Variants in MYT1L observed in about 807,000 individuals in gnomAD.
MYT1L encodes the protein myelin transcription factor 1-like protein.
Under a neutral mutation model 126.7 loss-of-function variants are expected in MYT1L, and 12 were observed. The observed-to-expected ratio is 0.09, with a 90% CI of 0.06 to 0.15. MYT1L has a LOEUF of 0.15. MYT1L is among the 10% of genes least tolerant of loss of function. The pLI, the probability that MYT1L is intolerant of heterozygous loss-of-function variation, is 1.00. For synonymous variants in MYT1L, 541 were observed against 604.2 expected (o/e 0.90, Z 1.53); for missense variants, 979 against 1,585.2 (o/e 0.62, Z 6.49).
intron 1 of MYT1L, among the ~76,000 whole-genome samples, chr2:2,318,317 A>G (rs1431821220): frequency 1.3e-5 from 2 of 152,216 alleles, no homozygotes; most frequent in South Asian, 2.1e-4. Flanking sequence ...GGTAATAAAA[A>G]TGAGATGTTA....
intron 4 of MYT1L, among the ~76,000 whole-genome samples, chr2:2,029,629 G>A (rs1037874920): frequency 1.3e-5 from 2 of 152,150 alleles, no homozygotes; most frequent in African/African-American, 4.8e-5. Context: ...GACAGATACA[G>A]ACATCTGCAC....
chr2:2,245,544 C>G (rs2094518601), intron 2 of MYT1L, among the ~76,000 whole-genome samples: 1 of 151,964 alleles, frequency 6.6e-6, no homozygotes, highest in South Asian at 2.1e-4. Flanking sequence ...AAGAAGAAAG[C>G]AAGATAGCAG....
intron 4 of MYT1L, among the ~76,000 whole-genome samples, chr2:2,010,942 G>C (rs112458182): frequency 1.9e-4 from 29 of 152,138 alleles, no homozygotes; most frequent in African/African-American, 6.8e-4. Flanking sequence ...TAACCAACCG[G>C]ATATCCCCAT....
intron 8 of MYT1L, among the ~76,000 whole-genome samples, chr2:1,951,999 A>G (rs573378451): frequency 1.8e-4 from 28 of 152,348 alleles, no homozygotes; most frequent in Admixed American, 2.0e-4. Flanking sequence ...TTTTAACTAC[A>G]TACTTCCTTC....
At position 2,029,269 on chromosome 2, in the gene MYT1L, G is replaced by A. The variant is rs148924085; in HGVS notation, c.-158+24709C>T. Among the ~76,000 whole-genome samples the A allele has an allele frequency of 4.0e-3, 601 of 152,128 alleles. 3 individuals carry two copies. The highest frequency in any genetic ancestry group is 0.014 in the African/African-American group (574 of 41,492). Reference sequence around the variant, plus strand: ...TATGCCTGTGTGTATTCATCCATTCGCATGCTGCTAATAAAGACATACCCA... The same window carrying A: ...TATGCCTGTGTGTATTCATCCATTCACATGCTGCTAATAAAGACATACCCA... On this transcript the variant is annotated intron_variant, in intron 4 of 24. Transcript: ENST00000647738.
At chr2:2,135,060 C>T (rs1427317733) in intron 3 of MYT1L, among the ~76,000 whole-genome samples, 1 of 152,212 alleles carries the variant, frequency 6.6e-6, no homozygotes, top group African/African-American at 2.4e-5. Flanking sequence ...CTTTCCAGCT[C>T]CCTGCTCCCT....
intron 8 of MYT1L, among the ~76,000 whole-genome samples, chr2:1,968,562 G>C (rs1364286221): frequency 6.6e-6 from 1 of 152,284 alleles, no homozygotes; most frequent in South Asian, 2.1e-4. Context: ...TTTAAAATCT[G>C]TTGTATTATG....
chr2:1,917,449 C>A lies in MYT1L; in HGVS notation c.1484-110G>T. 1 of 1,349,192 alleles carries A rather than the reference C, an allele frequency of 7.4e-7. No individual in the cohort carries two copies. Among genetic ancestry groups the A allele is most frequent in the South Asian group, 1.4e-5 (1 of 69,378 alleles). The allele number at this position is 1,349,192 out of a possible 1,614,324, so 83.6% of individuals were successfully genotyped here. A position where few individuals can be genotyped will look rare whatever the true frequency, so the allele number is the denominator to read the frequency against. ...CTAAAGAAAGAAATAAAGCAGGTGT[C>A]GGGGGCTAGGCTGTGACATCAGACT... On this transcript the variant is annotated intron_variant, in intron 10 of 24. Coordinates refer to ENST00000647738, the MANE Select transcript of MYT1L (RefSeq NM_001303052.2). The surrounding 1 kb of genome is among the most constrained non-coding windows in gnomAD (Gnocchi z 5.9).
chr2:1,807,495 G>A (rs2035901968), intron 22 of MYT1L, among the ~76,000 whole-genome samples: 1 of 152,152 alleles, frequency 6.6e-6, no homozygotes, highest in Non-Finnish European at 1.5e-5. Context: ...TTTGTAGGGT[G>A]GATCTGTGCA....
At chr2:2,325,136 C>T (rs1431031137) in intron 1 of MYT1L, 1 of 152,298 alleles carries the variant, frequency 6.6e-6, no homozygotes, top group Non-Finnish European at 1.5e-5. Flanking sequence ...ATGGTAAATT[C>T]ATGCTGTGGC....
At chr2:2,222,679 G>T (rs2093911260) in intron 2 of MYT1L, among the ~76,000 whole-genome samples, 1 of 152,032 alleles carries the variant, frequency 6.6e-6, no homozygotes, top group African/African-American at 2.4e-5. Context: ...ATGGACTCCA[G>T]ACTAGACTAC....
intron 18 of MYT1L, among the ~76,000 whole-genome samples, chr2:1,866,880 AAG>A (rs1446098620): frequency 1.7e-5 from 2 of 118,048 alleles, no homozygotes; most frequent in East Asian, 3.2e-4. Context: ...TGGGCAGAGA[AAG>A]AGAGAGGGAA....
At chr2:1,850,809 T>C (rs995495743) in intron 19 of MYT1L, among the ~76,000 whole-genome samples, 2 of 152,098 alleles carry the variant, frequency 1.3e-5, no homozygotes, top group Non-Finnish European at 2.9e-5. Context: ...CCTTGGTGCT[T>C]CCCGTGGGGA....
At chr2:2,229,522 G>A (rs1169259302) in intron 2 of MYT1L, among the ~76,000 whole-genome samples, 2 of 151,876 alleles carry the variant, frequency 1.3e-5, no homozygotes, top group Admixed American at 1.3e-4. Context: ...GCTCACTGAA[G>A]CCTCAACCTC....
chr2:2,294,328 C>A (rs1031272016), intron 1 of MYT1L, among the ~76,000 whole-genome samples: 1 of 152,136 alleles, frequency 6.6e-6, no homozygotes, highest in African/African-American at 2.4e-5. Flanking sequence ...ACAACAAAAG[C>A]CTGGCTGTCC....
chr2:2,180,356 A>G (rs562505854), intron 2 of MYT1L, among the ~76,000 whole-genome samples: 5 of 146,642 alleles, frequency 3.4e-5, no homozygotes, highest in African/African-American at 1.3e-4. Flanking sequence ...GAAAAACATA[A>G]GCTCTTAAAA....
rs907241229 is a variant in MYT1L, at chr2:1,793,891, C to G, written c.3277-1427G>C. Among the ~76,000 whole-genome samples, 2 of 152,158 alleles carry G rather than the reference C, an allele frequency of 1.3e-5. No homozygotes were observed. Among genetic ancestry groups the G allele is most frequent in the African/African-American group, 4.8e-5 (2 of 41,444 alleles). The stretch of plus-strand genomic sequence containing the variant: ...GCCCTCCCACGACTCCTGGGTGGGC[C>G]TCGAAGGGCTGCGTGCCCGGTGCTT... On this transcript the variant is annotated intron_variant, in intron 23 of 24. Transcript: ENST00000647738. The surrounding 1 kb of genome is among the most constrained non-coding windows in gnomAD (Gnocchi z 4.6).
At chr2:2,003,772 CCTGA>C (rs1176454618) in intron 4 of MYT1L, among the ~76,000 whole-genome samples, 10 of 152,186 alleles carry the variant, frequency 6.6e-5, no homozygotes, top group African/African-American at 2.2e-4. Context: ...CCCCACTTTC[CCTGA>C]CTAAGTCTCC....
intron 4 of MYT1L, among the ~76,000 whole-genome samples, chr2:2,027,532 A>C (rs1187233957): frequency 6.6e-6 from 1 of 152,220 alleles, no homozygotes; most frequent in Non-Finnish European, 1.5e-5. Context: ...TAGCGTTGTC[A>C]AGATTACACA....
Sources: allele counts gnomAD v4.1 joint callset (sites outside exome capture counted in the v4.1 genomes callset), GRCh38; gene constraint gnomAD v4.1.1; non-coding constraint Gnocchi (gnomAD v3.1); transcripts MANE v1.5; gene names NCBI Gene and HGNC (gene_info 2026-07-23, HGNC 2026-07-21).